Variants in KIRREL1 observed in about 807,000 individuals in gnomAD.
KIRREL1 encodes the protein kirre like nephrin family adhesion molecule 1, also known as kin of IRRE-like protein 1.
KIRREL1 carries 25 observed loss-of-function variants against 83.3 expected under a neutral mutation model. The observed-to-expected ratio is 0.30, with a 90% CI of 0.22 to 0.42. KIRREL1 has a LOEUF of 0.42. Among genes scored for constraint, KIRREL1 ranks in the 10% least tolerant of loss-of-function variants. The probability of loss-of-function intolerance (pLI) is 1.00; values close to 1 mark genes in which losing one functional copy is unlikely to be tolerated. For synonymous variants in KIRREL1, 388 were observed against 410.4 expected, an observed-to-expected ratio of 0.95 and a Z score of 0.66; for missense variants, 812 against 1,032.3, an observed-to-expected ratio of 0.79 and a Z score of 2.92.
intron 2 of KIRREL1, among the ~76,000 whole-genome samples, chr1:158,076,670 C>T (rs2101625378): frequency 6.6e-6 from 1 of 152,366 alleles, no homozygotes; most frequent in South Asian, 2.1e-4. Context: ...CTCATGCCGG[C>T]CTGGCTCGGC....
intron 1 of KIRREL1, among the ~76,000 whole-genome samples, chr1:158,029,337 C>CTTTGTGTGTGTG (rs1660253882): frequency 1.4e-5 from 1 of 69,262 alleles, no homozygotes; most frequent in Non-Finnish European, 3.4e-5. Context: ...TAACAAAAAC[C>CTTTGTGTGTGTG]TGTGTGTGTG....
chr1:158,057,839 G>C (rs1661106014), intron 1 of KIRREL1, among the ~76,000 whole-genome samples: 1 of 152,192 alleles, frequency 6.6e-6, no homozygotes, highest in Non-Finnish European at 1.5e-5. Context: ...CCAACTGTCT[G>C]CAGTGTCTTT....
At chr1:158,047,200 T>C (rs1409462865) in intron 1 of KIRREL1, among the ~76,000 whole-genome samples, 1 of 152,202 alleles carries the variant, frequency 6.6e-6, no homozygotes, top group Non-Finnish European at 1.5e-5. Flanking sequence ...CATCCATGTA[T>C]TTGCTCATTC....
intron 1 of KIRREL1, among the ~76,000 whole-genome samples, chr1:158,033,698 C>A (rs1193186849): frequency 6.6e-6 from 1 of 152,058 alleles, no homozygotes; most frequent in African/African-American, 2.4e-5. Flanking sequence ...ATGAAGTTTT[C>A]GGCCGGGCAT....
At chr1:158,051,281 TC>T (rs1424999171) in intron 1 of KIRREL1, among the ~76,000 whole-genome samples, 5 of 152,198 alleles carry the variant, frequency 3.3e-5, no homozygotes, top group African/African-American at 4.8e-5. Flanking sequence ...CTTCCTGTGG[TC>T]TTTCCTGAAG....
intron 1 of KIRREL1, among the ~76,000 whole-genome samples, chr1:158,021,751 G>A (rs1660009059): frequency 6.6e-6 from 1 of 152,168 alleles, no homozygotes; most frequent in Non-Finnish European, 1.5e-5. Flanking sequence ...GGCAGCTGTG[G>A]TGGGCTTTAC....
intron 1 of KIRREL1, among the ~76,000 whole-genome samples, chr1:158,016,967 A>AAC (rs1368271188): frequency 1.3e-5 from 2 of 152,222 alleles, no homozygotes; most frequent in Non-Finnish European, 2.9e-5. Flanking sequence ...GCTCATTTCC[A>AAC]ACAAACCTTT....
At chr1:158,018,611 G>A (rs1416130379) in intron 1 of KIRREL1, among the ~76,000 whole-genome samples, 9 of 152,170 alleles carry the variant, frequency 5.9e-5, no homozygotes, top group Non-Finnish European at 7.3e-5. Context: ...AAAGCAAAAA[G>A]TAGCATGGGG....
chr1:158,044,245 G>GC (rs1003255201), intron 1 of KIRREL1, among the ~76,000 whole-genome samples: 10 of 152,094 alleles, frequency 6.6e-5, no homozygotes, highest in African/African-American at 2.2e-4. Flanking sequence ...AAGGAGGTGA[G>GC]CCCCCTTCTG....
In KIRREL1 at chr1:158,095,392, G is replaced by C. The variant is rs750816379; in HGVS notation, c.*272G>C. ...CTTGCCTGACCCTAGAATGGGGACA[G>C]GGAAAGTGAAGGTTAGGGAAAGCAG... On this transcript the variant is annotated 3_prime_UTR_variant, in exon 15 of 15. Coordinates refer to ENST00000359209, the MANE Select transcript of KIRREL1 (RefSeq NM_018240.7). 7.8e-6 allele frequency: 3 copies of C among 383,848 alleles called. No homozygotes were observed. Among genetic ancestry groups the C allele is most frequent in the Admixed American group, 4.3e-5 (1 of 23,150 alleles). 23.8% of individuals were successfully genotyped at this position (383,848 alleles called of 1,614,324 possible). A position where few individuals can be genotyped will look rare whatever the true frequency, so the allele number is the denominator to read the frequency against.
intron 3 of KIRREL1, among the ~76,000 whole-genome samples, chr1:158,083,496 A>G (rs1454393161): frequency 6.6e-6 from 1 of 152,244 alleles, no homozygotes; most frequent in Admixed American, 6.5e-5. Context: ...TCTTGGCTTG[A>G]GGACCCTGAA....
chr1:158,066,933 C>G (rs1180718011), intron 1 of KIRREL1, among the ~76,000 whole-genome samples: 1 of 152,206 alleles, frequency 6.6e-6, no homozygotes, highest in Non-Finnish European at 1.5e-5. Context: ...AGCCCTACCA[C>G]CCCCTTTCTG....
intron 1 of KIRREL1, among the ~76,000 whole-genome samples, chr1:158,061,717 G>A (rs1347162872): frequency 6.6e-6 from 1 of 152,182 alleles, no homozygotes; most frequent in African/African-American, 2.4e-5. Context: ...CAGAATTTGG[G>A]GTGAGTAGAA....
intron 1 of KIRREL1, among the ~76,000 whole-genome samples, chr1:158,072,473 G>C (rs1048957822): frequency 6.6e-6 from 1 of 152,180 alleles, no homozygotes; most frequent in Non-Finnish European, 1.5e-5. Context: ...GGGGTGGCCA[G>C]TGCAGTGTGG....
In KIRREL1 at chr1:158,010,822, A is replaced by T. The variant is rs1209899359; in HGVS notation, c.52+17094A>T. Among the ~76,000 whole-genome samples the T allele has an allele frequency of 2.6e-5, 4 of 152,114 alleles. No homozygotes were observed. The East Asian group carries it at 7.7e-4, about 29-fold the overall frequency. Reference sequence around the variant, plus strand: ...TGTACTGGGAATCATTTCAGAGCAAACTGGGCCAGAAGAAAGGAGTAAAGC... The same window carrying T: ...TGTACTGGGAATCATTTCAGAGCAATCTGGGCCAGAAGAAAGGAGTAAAGC... On this transcript the variant is annotated intron_variant, in intron 1 of 14. Coordinates refer to ENST00000359209, the MANE Select transcript of KIRREL1 (RefSeq NM_018240.7).
chr1:158,010,510 C>T (rs981532292), intron 1 of KIRREL1, among the ~76,000 whole-genome samples: 3 of 150,584 alleles, frequency 2.0e-5, no homozygotes, highest in Non-Finnish European at 4.4e-5. Context: ...CCTGGACCAA[C>T]GGTGTGGGTG....
rs1344290584 is a variant in KIRREL1, at chr1:158,087,739, G to A, written c.662-16G>A. On this transcript the variant is annotated splice_polypyrimidine_tract_variant and intron_variant, in intron 5 of 14. Transcript: ENST00000359209. ...GGGACAGAAAAGACCCTGACTCCCT[G>A]TGCTCTACTTTGCAGACCCTCCTAC... is the stretch of plus-strand genomic sequence containing the variant. 3 of 1,596,866 alleles carry A rather than the reference G, an allele frequency of 1.9e-6. No homozygotes were observed. The highest frequency in any genetic ancestry group is 2.6e-6 in the Non-Finnish European group (3 of 1,165,568).
At chr1:158,023,402 C>A (rs1258054460) in intron 1 of KIRREL1, among the ~76,000 whole-genome samples, 1 of 152,206 alleles carries the variant, frequency 6.6e-6, no homozygotes, top group Non-Finnish European at 1.5e-5. Context: ...GAGATGAATA[C>A]AATATGGTTA....
intron 1 of KIRREL1, among the ~76,000 whole-genome samples, chr1:158,061,599 C>A (rs564675465): frequency 3.9e-5 from 6 of 152,314 alleles, no homozygotes; most frequent in Admixed American, 1.3e-4. Flanking sequence ...TCATCAGTCA[C>A]ATGTTTCTGG....
Sources: gnomAD v4.1 joint callset for allele counts (sites outside exome capture counted in the v4.1 genomes callset) on GRCh38, gnomAD v4.1.1 for gene constraint, MANE v1.5 for transcripts, NCBI Gene and HGNC (gene_info 2026-07-23, HGNC 2026-07-21) for gene names.